WDR11: variants seen among roughly 807,000 people sequenced by gnomAD.
WDR11 encodes WD repeat-containing protein 11.
WDR11 carries 83 observed loss-of-function variants against 151.2 expected under a neutral mutation model. The observed-to-expected ratio is 0.55, with a 90% CI of 0.46 to 0.66. WDR11 has a LOEUF of 0.66. Ranked by LOEUF, WDR11 falls within the 30% of genes least tolerant of loss-of-function variation. The probability of loss-of-function intolerance (pLI) is 0.00; values close to 1 mark genes in which losing one functional copy is unlikely to be tolerated. For missense variants in WDR11, 1,301 were observed against 1,480.9 expected (o/e 0.88, Z 1.99); for synonymous variants, 484 against 533.1 (o/e 0.91, Z 1.27).
chr10:120,906,384 G>A (rs1262058316), intron 27 of WDR11: 59 of 1,243,322 alleles, frequency 4.7e-5, no homozygotes, highest in African/African-American at 1.7e-4. Flanking sequence ...GAGACATCCC[G>A]TCTGAAAATC....
chr10:120,872,025 G>A (rs554270958), intron 10 of WDR11, among the ~76,000 whole-genome samples: 13 of 152,306 alleles, frequency 8.5e-5, no homozygotes, highest in African/African-American at 3.1e-4. Flanking sequence ...GAAAAACAGT[G>A]TATTTGTTTG....
intron 5 of WDR11, among the ~76,000 whole-genome samples, chr10:120,864,223 G>A (rs1284488930): frequency 1.3e-5 from 2 of 152,058 alleles, no homozygotes; most frequent in East Asian, 3.9e-4. Context: ...ACCCAACTAG[G>A]ACATGGCAGT....
intron 4 of WDR11, chr10:120,862,340 A>T: frequency 5.5e-6 from 1 of 182,512 alleles, no homozygotes; most frequent in Non-Finnish European, 1.1e-5. Context: ...GGGTTTCACC[A>T]TGTTGATCAG....
chr10:120,881,484 GA>G (rs1847004125), intron 13 of WDR11, among the ~76,000 whole-genome samples: 1 of 138,530 alleles, frequency 7.2e-6, no homozygotes, highest in Non-Finnish European at 1.6e-5. Flanking sequence ...GTGAGGGGAA[GA>G]ATTGGTATCT....
rs1845957823 is a variant in WDR11, at chr10:120,856,638, A to G, written c.199-2005A>G. ...AAGCTTACATAGTTTCTGATGAAAA[A>G]TTTTTGTTTTTGTTTCTCTGCATTA... On this transcript the variant is annotated intron_variant, in intron 2 of 28. Transcript: ENST00000263461. 1.3e-5 allele frequency among the ~76,000 whole-genome samples: 2 copies of G among 151,536 alleles called. 1 individual carries two copies. Among genetic ancestry groups the G allele is most frequent in the South Asian group, 4.2e-4 (2 of 4,812 alleles).
At chr10:120,866,535 T>A (rs1311178376) in intron 7 of WDR11, 34 bp from the exon 8 acceptor site, 1 of 1,613,222 alleles carries the variant, frequency 6.2e-7, no homozygotes, top group African/African-American at 1.3e-5. Context: ...TCGATATGGC[T>A]GCTTTCTGAT....
At chr10:120,859,938 T>G (rs1331630998) in intron 3 of WDR11, among the ~76,000 whole-genome samples, 171 bp from the exon 4 acceptor site, 1 of 131,692 alleles carries the variant, frequency 7.6e-6, no homozygotes, top group Non-Finnish European at 1.6e-5. Context: ...AATTAGTTTT[T>G]TCTCTGGAAT....
Position 120,867,137 on chromosome 10 carries a change from A to T in WDR11, c.1262A>T (p.Lys421Ile). 6.2e-7 allele frequency: 1 copy of T among 1,613,822 alleles called. No individual in the cohort carries two copies. Among genetic ancestry groups the T allele is most frequent in the South Asian group, 1.1e-5 (1 of 91,070 alleles). ...ATTCCTGTAGGAGTGCTACAGAATA[A>T]ACTCCCAGACCTTTCCTTAGATAAC... ...CGIPVGVLQN[K>I]LPDLSLDNMI... is the part of the protein sequence containing the mutation. Residue 421 changes from lysine (K) to isoleucine (I), a missense_variant, in exon 9 of 29, where the codon AAA (lysine) becomes ATA (isoleucine). Physicochemically the swap from Lys to Ile is moderately radical, Grantham distance 102. This residue lies in a region of WDR11 where 692 missense variants were observed against 762.5 expected (regional missense o/e 0.91). Coordinates refer to ENST00000263461, the MANE Select transcript of WDR11 (RefSeq NM_018117.12).
intron 2 of WDR11, among the ~76,000 whole-genome samples, chr10:120,856,867 AGTT>A (rs1274336342): frequency 1.3e-5 from 2 of 152,186 alleles, no homozygotes; most frequent in East Asian, 3.8e-4. Flanking sequence ...TATTCTGTAA[AGTT>A]GTTGTATACA....
intron 5 of WDR11, among the ~76,000 whole-genome samples, chr10:120,864,382 T>C (rs1846241501): frequency 6.6e-6 from 1 of 152,226 alleles, no homozygotes; most frequent in Non-Finnish European, 1.5e-5. Context: ...TATTGAAATA[T>C]ATTTAATATA....
chr10:120,889,414 ATT>A, intron 17 of WDR11: 1 of 467,754 alleles, frequency 2.1e-6, no homozygotes, highest in Non-Finnish European at 3.9e-6. Context: ...ATTTTTTTGT[ATT>A]TTTTTAGTAG....
intron 9 of WDR11, among the ~76,000 whole-genome samples, chr10:120,870,212 CATT>C (rs1388797182): frequency 6.6e-6 from 1 of 152,052 alleles, no homozygotes; most frequent in Non-Finnish European, 1.5e-5. Flanking sequence ...TTTAAAATAA[CATT>C]ATTAAAACAA....
Position 120,873,912 on chromosome 10 carries a change from A to ATG in WDR11, c.1548_1549dup (p.Glu517ValfsTer11). The ATG allele has an allele frequency of 6.2e-7, 1 of 1,610,104 alleles. No homozygotes were observed. Among genetic ancestry groups the ATG allele is most frequent in the Non-Finnish European group, 8.5e-7 (1 of 1,176,560 alleles). On this transcript the variant is annotated frameshift_variant, in exon 11 of 29. Transcript: ENST00000263461. LOFTEE classifies it high-confidence loss of function. ...TACACAAAGAGTTAAGCATCCACTC[A>ATG]TGTGAAGTCAAGTAAGTATGTCATT...
Position 120,900,043 on chromosome 10 carries a change from C to T in WDR11, c.2530C>T (p.Pro844Ser). The T allele has an allele frequency of 6.2e-7, 1 of 1,613,678 alleles. No homozygotes were observed. The highest frequency in any genetic ancestry group is 2.2e-5 in the East Asian group (1 of 44,866). Residue 844 changes from proline (P) to serine (S), a missense_variant, in exon 20 of 29, where the codon CCC (proline) becomes TCC (serine). By Grantham distance (74) the Pro-to-Ser change is moderately conservative (BLOSUM62 -1). This residue lies in a region of WDR11 where 589 missense variants were observed against 670.6 expected (regional missense o/e 0.88). Transcript: ENST00000263461. ...TTGTTGTCTAGAGCCTGTGTGGTGC[C>T]CCTATCTCCTTGTTCCAAGGGCCTC... ...EQELTEPVWC[P>S]YLLVPRASLA...
rs1845818217 is a variant in WDR11, at chr10:120,852,584, T to G, written c.147T>G (p.Ile49Met). 6.2e-7 allele frequency: 1 copy of G among 1,614,004 alleles called. No individual in the cohort carries two copies. Among genetic ancestry groups the G allele is most frequent in the South Asian group, 1.1e-5 (1 of 91,088 alleles). Residue 49 changes from isoleucine to methionine, a missense_variant, in exon 2 of 29, where the codon ATT (isoleucine) becomes ATG (methionine). Ile to Met is a conservative substitution (Grantham distance 10, BLOSUM62 1). Around this residue, in one of 3 missense-constraint regions of WDR11, gnomAD observed 692 missense variants for 762.5 expected, o/e 0.91. Transcript: ENST00000263461. ...CHSLVVVIDS[I>M]TAQTLQVLEK... ...CACTTGTGGTAGTGATTGATTCCAT[T>G]ACTGCCCAAACTCTTCAAGTTTTAG...
rs565080813 is a variant in WDR11 at position 120,865,014 on chromosome 10, T to G, written c.714-33T>G. ...TTTATTAGGTCTGATATAAATGAAG[T>G]CTTTGACCCAAGTGAATGTTTACTT... On this transcript the variant is annotated intron_variant, in intron 5 of 28. Coordinates refer to ENST00000263461, the MANE Select transcript of WDR11 (RefSeq NM_018117.12). 12 of 1,611,314 alleles carry G rather than the reference T, an allele frequency of 7.4e-6. No homozygotes were observed. In the South Asian group the frequency reaches 1.3e-4, roughly 18 times the overall value.
chr10:120,889,217 T>C (rs1847332431), intron 17 of WDR11, 33 bp downstream of exon 17: 2 of 1,374,570 alleles, frequency 1.5e-6, no homozygotes, highest in Admixed American at 1.7e-5. Context: ...TGTTATTTCA[T>C]TAAAAAAAAG....
intron 9 of WDR11, among the ~76,000 whole-genome samples, chr10:120,869,785 T>TTTA (rs1554933438): frequency 1.3e-5 from 2 of 150,928 alleles, no homozygotes; most frequent in Non-Finnish European, 2.9e-5. Context: ...TATTTCATCT[T>TTTA]TTTTATTTTA....
chr10:120,876,959 C>T (rs1382370157), intron 11 of WDR11, among the ~76,000 whole-genome samples: 1 of 152,198 alleles, frequency 6.6e-6, no homozygotes, highest in Admixed American at 6.5e-5. Context: ...CTAAAATACG[C>T]ACATAGGTTA....
Sources: allele counts gnomAD v4.1 joint callset (sites outside exome capture counted in the v4.1 genomes callset), GRCh38; gene constraint gnomAD v4.1.1; regional missense constraint gnomAD v4.1.1; transcripts MANE v1.5; gene names NCBI Gene and HGNC (gene_info 2026-07-23, HGNC 2026-07-21).